The following KSR1 variants were observed in gnomAD, a reference collection of about 807,000 sequenced individuals.
KSR1 encodes kinase suppressor of ras.
Under a neutral mutation model 92.9 loss-of-function variants are expected in KSR1, and 35 were observed. The observed-to-expected ratio is 0.38, with a 90% CI of 0.29 to 0.50. The LOEUF (loss-of-function observed/expected upper bound fraction) is 0.50, where lower values mean the gene tolerates loss of function less well. KSR1 is among the 20% of genes least tolerant of loss of function. KSR1 has a pLI of 0.94. For synonymous variants in KSR1, 467 were observed against 472.6 expected, an observed-to-expected ratio of 0.99 and a Z score of 0.15; for missense variants, 972 against 1,158.5, an observed-to-expected ratio of 0.84 and a Z score of 2.34.
chr17:27,478,398 G>A (rs1199852578), intron 1 of KSR1, among the ~76,000 whole-genome samples: 2 of 152,156 alleles, frequency 1.3e-5, no homozygotes, highest in African/African-American at 4.8e-5. Flanking sequence ...GGGGACATAC[G>A]AATGGGGACA....
At chr17:27,476,911 A>T (rs1028835202) in intron 1 of KSR1, among the ~76,000 whole-genome samples, 1 of 152,202 alleles carries the variant, frequency 6.6e-6, no homozygotes, top group African/African-American at 2.4e-5. Flanking sequence ...GAGTAAAGTG[A>T]AAGCAAGTTT....
At chr17:27,497,322 G>C (rs2069023939) in intron 1 of KSR1, among the ~76,000 whole-genome samples, 1 of 152,214 alleles carries the variant, frequency 6.6e-6, no homozygotes, top group South Asian at 2.1e-4. Flanking sequence ...CTTATCGTGG[G>C]ACCAGCTGTC....
chr17:27,496,869 G>T (rs545151270), intron 1 of KSR1, among the ~76,000 whole-genome samples: 2 of 152,370 alleles, frequency 1.3e-5, no homozygotes, highest in South Asian at 4.1e-4. Flanking sequence ...AGCAGCCACA[G>T]CCCTGCCGTG....
chr17:27,592,565 A>G lies in KSR1; in HGVS notation c.1238A>G (p.Asn413Ser). The G allele has an allele frequency of 3.1e-6, 5 of 1,613,826 alleles. No homozygotes were observed. Among genetic ancestry groups the G allele is most frequent in the South Asian group, 1.1e-5 (1 of 91,064 alleles). Residue 413 changes from asparagine to serine, a missense_variant, in exon 9 of 21, where the codon AAC (asparagine) becomes AGC (serine). By Grantham distance (46) the Asn-to-Ser change is conservative. Transcript: ENST00000644974. ...GAATCTGTCCCCTCGGACATCAACA[A>G]CCCGGTGGACAGAGCAGCCGAACCC... The part of the protein sequence containing the change: ...RTESVPSDIN[N>S]PVDRAAEPHF...
rs374175903 is a variant in KSR1, at chr17:27,582,828, G to A, written c.703G>A (p.Ala235Thr). Residue 235 changes from alanine (A) to threonine (T), a missense_variant, in exon 4 of 21, where the codon GCC becomes ACC. Around this residue, in one of 5 missense-constraint regions of KSR1, gnomAD observed 611 missense variants for 668.0 expected, o/e 0.91. Coordinates refer to ENST00000644974, the MANE Select transcript of KSR1 (RefSeq NM_001394583.1). The part of the protein sequence containing the change: ...PRSISVSALP[A>T]SDSPTPSFSE... ...CTCCATCTCCGTGTCAGCTCTGCCC[G>A]CCTCAGACTCCCCCACCCCCAGCTT... 5.0e-5 allele frequency: 81 copies of A among 1,613,236 alleles called. 1 individual carries two copies. In the Admixed American group the frequency reaches 1.0e-3, roughly 21 times the overall value.
intron 1 of KSR1, among the ~76,000 whole-genome samples, chr17:27,482,027 T>C (rs1161438348): frequency 6.6e-6 from 1 of 152,216 alleles, no homozygotes; most frequent in Non-Finnish European, 1.5e-5. Context: ...TCTCTCTGAA[T>C]GTTTTTGAGG....
chr17:27,606,127 G>T (rs905798155), intron 14 of KSR1, among the ~76,000 whole-genome samples: 1 of 151,984 alleles, frequency 6.6e-6, no homozygotes, highest in Admixed American at 6.6e-5. Flanking sequence ...AAAAAAATTA[G>T]CTGGGCCTGG....
At chr17:27,511,649 T>TAGGGA (rs1434502480) in intron 1 of KSR1, among the ~76,000 whole-genome samples, 6 of 152,154 alleles carry the variant, frequency 3.9e-5, no homozygotes, top group Admixed American at 1.3e-4. Flanking sequence ...CTGAGGTATC[T>TAGGGA]GCATAGGGAG....
At chr17:27,575,970 G>A (rs747844591) in intron 2 of KSR1, among the ~76,000 whole-genome samples, 29 of 152,220 alleles carry the variant, frequency 1.9e-4, no homozygotes, top group Non-Finnish European at 4.1e-4. Context: ...TTCTGGAGAA[G>A]AATCCACTTC....
intron 1 of KSR1, among the ~76,000 whole-genome samples, chr17:27,512,105 CT>C (rs1450265264): frequency 6.6e-6 from 1 of 152,162 alleles, no homozygotes; most frequent in Non-Finnish European, 1.5e-5. Context: ...TGTCTCTAGC[CT>C]TTGTTTTGAT....
At chr17:27,605,926 A>G (rs1415428847) in intron 14 of KSR1, 113 bp downstream of exon 14, 4 of 1,367,686 alleles carry the variant, frequency 2.9e-6, no homozygotes, top group Non-Finnish European at 4.0e-6. Flanking sequence ...AGAGGCATAA[A>G]GAAGAAAACC....
At position 27,623,369 on chromosome 17, in the gene KSR1, G is replaced by C; in HGVS notation, c.2764G>C (p.Glu922Gln). The C allele has an allele frequency of 1.3e-6, 1 of 765,096 alleles. No homozygotes were observed. The highest frequency in any genetic ancestry group is 2.4e-6 in the Non-Finnish European group (1 of 417,822). 47.4% of individuals were successfully genotyped at this position (765,096 alleles called of 1,614,324 possible). A position where few individuals can be genotyped will look rare whatever the true frequency, so the allele number is the denominator to read the frequency against. Residue 922 changes from glutamate (E) to glutamine (Q), a missense_variant, in exon 21 of 21, where the codon GAG (glutamate) becomes CAG (glutamine). By Grantham distance (29) the Glu-to-Gln change is conservative (BLOSUM62 2). This residue lies in a region of KSR1 where 46 missense variants were observed against 39.0 expected (regional missense o/e 1.18). Coordinates refer to ENST00000644974, the MANE Select transcript of KSR1 (RefSeq NM_001394583.1). ...RFERFGLGVL[E>Q]SSNPKM ...TGAAAGGTTTGGCTTGGGCGTCCTG[G>C]AGTCCAGTAATCCAAAGATGTAGCC...
intron 18 of KSR1, among the ~76,000 whole-genome samples, chr17:27,611,964 T>TA (rs1447836362): frequency 6.6e-6 from 1 of 152,176 alleles, no homozygotes; most frequent in African/African-American, 2.4e-5. Flanking sequence ...ATAATTTTTT[T>TA]TAAAAAAATC....
intron 1 of KSR1, among the ~76,000 whole-genome samples, chr17:27,458,178 A>C (rs2019269933): frequency 6.6e-6 from 1 of 152,152 alleles, no homozygotes; most frequent in African/African-American, 2.4e-5. Flanking sequence ...TTTGCTTAAA[A>C]AACAAACAAA....
rs1366281715 is a variant in KSR1 at position 27,597,364 on chromosome 17, TCCAACCCATCCAGCGCCACCACGCCCC to T, written c.1404_1430del (p.Ser470_Ser478del). 1 of 1,613,664 alleles carries T rather than the reference TCCAACCCATCCAGCGCCACCACGCCCC, an allele frequency of 6.2e-7. No homozygotes were observed. The highest frequency in any genetic ancestry group is 8.5e-7 in the Non-Finnish European group (1 of 1,179,792). ...CTCACCGGCGCCCTTCCCGACATCATCCAACCCATCCAGCGCCACCACGCCCCCCAACCCCTCACCTGGCCAGCGGGA... is the reference window on the plus strand; with the variant it reads ...CTCACCGGCGCCCTTCCCGACATCATCCAACCCCTCACCTGGCCAGCGGGA... On this transcript the variant is annotated inframe_deletion, in exon 10 of 21. Coordinates refer to ENST00000644974, the MANE Select transcript of KSR1 (RefSeq NM_001394583.1).
chr17:27,536,366 G>C (rs955660199), intron 1 of KSR1, among the ~76,000 whole-genome samples: 5 of 152,194 alleles, frequency 3.3e-5, no homozygotes, highest in Non-Finnish European at 7.3e-5. Flanking sequence ...TGTCTTTATA[G>C]TAAAAACACT....
At chr17:27,476,533 G>A (rs1169031773) in intron 1 of KSR1, among the ~76,000 whole-genome samples, 2 of 152,192 alleles carry the variant, frequency 1.3e-5, no homozygotes, top group African/African-American at 4.8e-5. Context: ...GGTTGCCCCA[G>A]GAAGGAGACC....
chr17:27,507,661 C>T (rs1280275934), intron 1 of KSR1, among the ~76,000 whole-genome samples: 1 of 139,568 alleles, frequency 7.2e-6, no homozygotes, highest in Admixed American at 7.3e-5. Context: ...ACCGTAACCT[C>T]CACCTCCCGG....
intron 2 of KSR1, among the ~76,000 whole-genome samples, chr17:27,570,845 C>A (rs922416091): frequency 6.6e-6 from 1 of 152,182 alleles, no homozygotes; most frequent in South Asian, 2.1e-4. Context: ...CCTCATGGTC[C>A]GCACCTCCAG....
Sources: allele counts gnomAD v4.1 joint callset (sites outside exome capture counted in the v4.1 genomes callset), GRCh38; gene constraint gnomAD v4.1.1; regional missense constraint gnomAD v4.1.1; transcripts MANE v1.5; gene names NCBI Gene and HGNC (gene_info 2026-07-23, HGNC 2026-07-21).